The following SPECC1L variants were observed in gnomAD, a reference collection of about 807,000 sequenced individuals.
SPECC1L encodes cytospin-A.
SPECC1L carries 40 observed loss-of-function variants against 116.8 expected under a neutral mutation model. The ratio of observed to expected loss-of-function variants is 0.34; its 90% CI spans 0.27 to 0.45. SPECC1L has a LOEUF of 0.45. Among genes scored for constraint, SPECC1L ranks in the 20% least tolerant of loss-of-function variants. SPECC1L has a pLI of 1.00. For synonymous variants in SPECC1L, 504 were observed against 500.6 expected, an observed-to-expected ratio of 1.01 and a Z score of -0.09; for missense variants, 1,110 against 1,373.6, an observed-to-expected ratio of 0.81 and a Z score of 3.03.
chr22:24,300,837 G>A (rs2049362757), intron 2 of SPECC1L, among the ~76,000 whole-genome samples: 4 of 152,112 alleles, frequency 2.6e-5, no homozygotes, highest in South Asian at 2.1e-4. Context: ...GCTGATCTTC[G>A]ACAAACCTGA....
chr22:24,322,113 A>G lies in SPECC1L; in HGVS notation c.1133A>G (p.Glu378Gly). 1 of 1,614,120 alleles carries G rather than the reference A, an allele frequency of 6.2e-7. No homozygotes were observed. Among genetic ancestry groups the G allele is most frequent in the Admixed American group, 1.7e-5 (1 of 60,024 alleles). ...GAGTCGGAAGGCATCCCCAGCATAGAGCGCTCCCGGAAGGGGAGCAGCGGG... is the reference window on the plus strand; with the variant it reads ...GAGTCGGAAGGCATCCCCAGCATAGGGCGCTCCCGGAAGGGGAGCAGCGGG... ...SSESEGIPSI[E>G]RSRKGSSGNA... Residue 378 changes from glutamate (E) to glycine (G), a missense_variant, in exon 5 of 17, where the codon GAG becomes GGG. Glu to Gly is a moderately conservative substitution (Grantham distance 98). Around this residue, in one of 4 missense-constraint regions of SPECC1L, gnomAD observed 437 missense variants for 482.6 expected, o/e 0.91. Coordinates refer to ENST00000314328, the MANE Select transcript of SPECC1L (RefSeq NM_015330.6).
Position 24,346,342 on chromosome 22 carries a change from C to T in SPECC1L, c.2653-744C>T, listed in dbSNP as rs558343201. 3.9e-5 allele frequency among the ~76,000 whole-genome samples: 6 copies of T among 152,290 alleles called. No homozygotes were observed. The East Asian group carries it at 1.2e-3, about 29-fold the overall frequency. On this transcript the variant is annotated intron_variant, in intron 10 of 16. Coordinates refer to ENST00000314328, the MANE Select transcript of SPECC1L (RefSeq NM_015330.6). Reference sequence around the variant, plus strand: ...TCTGGCTGCCTGCATATGCAGAAGTCTGGCGATGATGCCAGTGACAAGCCA... The same window carrying T: ...TCTGGCTGCCTGCATATGCAGAAGTTTGGCGATGATGCCAGTGACAAGCCA...
chr22:24,377,072 T>C (rs1467144333), intron 14 of SPECC1L, among the ~76,000 whole-genome samples: 1 of 152,212 alleles, frequency 6.6e-6, no homozygotes, highest in East Asian at 1.9e-4. Flanking sequence ...TTCTTTATTA[T>C]GGACATTTCC....
chr22:24,274,542 C>G (rs1241646547), intron 1 of SPECC1L, among the ~76,000 whole-genome samples: 4 of 152,162 alleles, frequency 2.6e-5, no homozygotes, highest in Non-Finnish European at 5.9e-5. Context: ...CTTCTGAGTT[C>G]TCTATTTTCA....
At chr22:24,337,914 T>C (rs1722072983) in intron 9 of SPECC1L, among the ~76,000 whole-genome samples, 1 of 152,018 alleles carries the variant, frequency 6.6e-6, no homozygotes, top group African/African-American at 2.4e-5. Context: ...AATCAGAAAA[T>C]ATATGCGAAG....
intron 10 of SPECC1L, among the ~76,000 whole-genome samples, chr22:24,345,323 A>G (rs2041269211): frequency 6.6e-6 from 1 of 152,228 alleles, no homozygotes; most frequent in African/African-American, 2.4e-5. Context: ...TGGACTATCA[A>G]CCTAAATGTG....
chr22:24,292,688 T>A (rs4049954), intron 2 of SPECC1L, among the ~76,000 whole-genome samples: 4 of 151,718 alleles, frequency 2.6e-5, no homozygotes, highest in Admixed American at 1.3e-4. Flanking sequence ...TACCATTGCT[T>A]TGTCCTATGT....
chr22:24,287,065 G>A (rs2049056891), intron 2 of SPECC1L, among the ~76,000 whole-genome samples: 1 of 152,190 alleles, frequency 6.6e-6, no homozygotes, highest in South Asian at 2.1e-4. Context: ...ACCAACTAGA[G>A]ACAAGGGAAG....
intron 10 of SPECC1L, among the ~76,000 whole-genome samples, chr22:24,345,207 C>T (rs1044702074): frequency 6.6e-6 from 1 of 151,782 alleles, no homozygotes; most frequent in African/African-American, 2.4e-5. Flanking sequence ...GTAATTCAAT[C>T]GGTAAGGAAT....
intron 3 of SPECC1L, among the ~76,000 whole-genome samples, chr22:24,311,620 C>G (rs545243042): frequency 6.6e-6 from 1 of 151,910 alleles, no homozygotes; most frequent in Non-Finnish European, 1.5e-5. Flanking sequence ...GCCTGGCCAA[C>G]GTGGGAATAC....
chr22:24,343,479 G>A, intron 10 of SPECC1L: 1 of 442,832 alleles, frequency 2.3e-6, no homozygotes, highest in Non-Finnish European at 4.5e-6. Context: ...TTGTTTTTTT[G>A]AGATGGAGTC....
intron 9 of SPECC1L, among the ~76,000 whole-genome samples, chr22:24,337,960 G>A (rs1164172261): frequency 1.3e-5 from 2 of 149,774 alleles, no homozygotes; most frequent in African/African-American, 2.4e-5. Context: ...GGAAAGACAA[G>A]CAGAAGCAGG....
rs756714389 is a variant in SPECC1L at position 24,288,615 on chromosome 22, C to CTTTT, written c.-38+11838_-38+11841dup. ...GACTTCTCAAATCCAAAATTTTAAG[C>CTTTT]TTTTTTTTTTTTTTTTTTTTTTTTT... On this transcript the variant is annotated intron_variant, in intron 2 of 16. Coordinates refer to ENST00000314328, the MANE Select transcript of SPECC1L (RefSeq NM_015330.6). Among the ~76,000 whole-genome samples, 523 of 61,678 alleles carry CTTTT rather than the reference C, an allele frequency of 8.5e-3. 87 individuals are homozygous for CTTTT. The highest frequency in any genetic ancestry group is 0.01 in the Non-Finnish European group (351 of 35,080). The allele number at this position is 61,678 out of a possible 152,430, so 40.5% of individuals were successfully genotyped here. A position where few individuals can be genotyped will look rare whatever the true frequency, so the allele number is the denominator to read the frequency against.
At chr22:24,329,239 A>G (rs1192157609) in intron 7 of SPECC1L, among the ~76,000 whole-genome samples, 3 of 152,224 alleles carry the variant, frequency 2.0e-5, no homozygotes, top group East Asian at 1.9e-4. Context: ...TCGGATTTTC[A>G]GATTTGGGAT....
At chr22:24,412,832 G>T in intron 16 of SPECC1L, 125 bp downstream of exon 16, 1 of 974,584 alleles carries the variant, frequency 1.0e-6, no homozygotes, top group South Asian at 1.3e-5. Context: ...GGCAGCTATG[G>T]GGTGCTCTGG....
At chr22:24,280,165 G>T (rs1478674503) in intron 2 of SPECC1L, among the ~76,000 whole-genome samples, 1 of 152,168 alleles carries the variant, frequency 6.6e-6, no homozygotes, top group African/African-American at 2.4e-5. Context: ...AATTGGAAAT[G>T]AATTGGGGGG....
chr22:24,286,737 A>G (rs1311262241), intron 2 of SPECC1L, among the ~76,000 whole-genome samples: 1 of 152,066 alleles, frequency 6.6e-6, no homozygotes, highest in Non-Finnish European at 1.5e-5. Flanking sequence ...TCTGACATTC[A>G]TGTACTTTTT....
intron 9 of SPECC1L, among the ~76,000 whole-genome samples, chr22:24,336,216 G>A (rs1267942031): frequency 1.3e-5 from 2 of 151,704 alleles, no homozygotes; most frequent in African/African-American, 2.4e-5. Context: ...CGCTCTGTGC[G>A]CTGCAATCCT....
rs566489438 is a variant in SPECC1L, at chr22:24,361,798, C to T, written c.2744-1463C>T. On this transcript the variant is annotated intron_variant, in intron 11 of 16. Coordinates refer to ENST00000314328, the MANE Select transcript of SPECC1L (RefSeq NM_015330.6). ...ACAATAGAGAGAAATCCTGTTCCCC[C>T]CTCTCCTGCCCCCTCCAAAAAAACA... Among the ~76,000 whole-genome samples, 5 of 151,320 alleles carry T rather than the reference C, an allele frequency of 3.3e-5. No individual in the cohort carries two copies. In the South Asian group the frequency reaches 1.0e-3, roughly 32 times the overall value.
Sources: allele counts gnomAD v4.1 joint callset (sites outside exome capture counted in the v4.1 genomes callset), GRCh38; gene constraint gnomAD v4.1.1; regional missense constraint gnomAD v4.1.1; transcripts MANE v1.5; gene names NCBI Gene and HGNC (gene_info 2026-07-23, HGNC 2026-07-21).